MPPED2: variants seen among roughly 807,000 people sequenced by gnomAD.
The protein encoded by MPPED2 is metallophosphoesterase domain containing 2.
In MPPED2, 5 loss-of-function variants were observed where a neutral mutation model predicts 33.0. That is an observed-to-expected ratio of 0.15 (90% CI 0.08 to 0.32). MPPED2 has a LOEUF of 0.32. MPPED2 is among the 10% of genes least tolerant of loss of function. The probability of loss-of-function intolerance (pLI) is 1.00; values close to 1 mark genes in which losing one functional copy is unlikely to be tolerated. For synonymous variants in MPPED2, 136 were observed against 141.9 expected (o/e 0.96, Z 0.29); for missense variants, 275 against 372.1 (o/e 0.74, Z 2.15).
At position 30,414,217 on chromosome 11, in the gene MPPED2, G is replaced by A. The variant is rs377381325; in HGVS notation, c.766+11C>T. 1.6e-5 allele frequency: 25 copies of A among 1,586,536 alleles called. No homozygotes were observed. Among genetic ancestry groups the A allele is most frequent in the African/African-American group, 6.7e-5 (5 of 74,388 alleles). On this transcript the variant is annotated intron_variant, in intron 6 of 6. Transcript: ENST00000358117. The stretch of plus-strand genomic sequence containing the variant: ...CACAAAATGTTTTGAATTCTTTTCC[G>A]CTGTTCTTACCTTCATGGATTCCAC...
chr11:30,421,109 C>T (rs769982838), intron 4 of MPPED2, among the ~76,000 whole-genome samples: 2 of 152,154 alleles, frequency 1.3e-5, no homozygotes, highest in Non-Finnish European at 2.9e-5. Flanking sequence ...GTTGTTACAA[C>T]GAGGAGATCT....
chr11:30,417,458 T>C, intron 5 of MPPED2, 60 bp downstream of exon 5: 1 of 898,782 alleles, frequency 1.1e-6, no homozygotes, highest in South Asian at 1.4e-5. Flanking sequence ...TGAAGCATTA[T>C]TCATTATGCC....
intron 4 of MPPED2, among the ~76,000 whole-genome samples, chr11:30,438,008 A>G (rs890640277): frequency 5.3e-5 from 8 of 152,170 alleles, no homozygotes; most frequent in Admixed American, 5.2e-4. Flanking sequence ...CAGTTTCCTA[A>G]TCTGCATAAT....
At chr11:30,470,295 GC>G (rs1950892665) in intron 4 of MPPED2, among the ~76,000 whole-genome samples, 2 of 152,194 alleles carry the variant, frequency 1.3e-5, no homozygotes, top group South Asian at 4.2e-4. Flanking sequence ...TAAGCAGCAA[GC>G]ACCACTTAAA....
At chr11:30,456,186 T>A (rs117751470) in intron 4 of MPPED2, among the ~76,000 whole-genome samples, 3,330 of 152,312 alleles carry the variant, frequency 0.022, 46 homozygotes, top group Middle Eastern at 0.051. Context: ...GAATGAAGAA[T>A]CTGGGAAAAT....
chr11:30,515,527 C>T (rs1380035888), intron 3 of MPPED2, among the ~76,000 whole-genome samples: 2 of 152,148 alleles, frequency 1.3e-5, no homozygotes, highest in Non-Finnish European at 2.9e-5. Context: ...ATTTGGGGGA[C>T]ATAACAGGAT....
intron 2 of MPPED2, among the ~76,000 whole-genome samples, chr11:30,576,237 C>A (rs926052069): frequency 1.3e-5 from 2 of 152,104 alleles, no homozygotes; most frequent in African/African-American, 4.8e-5. Context: ...GGTTATACAG[C>A]TAGTCAGTGG....
chr11:30,575,389 C>T (rs894528264), intron 2 of MPPED2, among the ~76,000 whole-genome samples: 18 of 152,256 alleles, frequency 1.2e-4, no homozygotes, highest in Non-Finnish European at 4.4e-5. Flanking sequence ...TATATCATTT[C>T]ATTTAATGCT....
chr11:30,561,082 A>T (rs1331942510), intron 2 of MPPED2, among the ~76,000 whole-genome samples: 1 of 152,154 alleles, frequency 6.6e-6, no homozygotes, highest in East Asian at 1.9e-4. Flanking sequence ...AGCCAAAAGG[A>T]GTGTTCTGCA....
intron 2 of MPPED2, among the ~76,000 whole-genome samples, chr11:30,569,816 G>A (rs1049025626): frequency 6.6e-6 from 1 of 152,062 alleles, no homozygotes; most frequent in Non-Finnish European, 1.5e-5. Context: ...GGTATATTGA[G>A]TCGGCACGTG....
chr11:30,503,911 C>G (rs1018798546), intron 3 of MPPED2, among the ~76,000 whole-genome samples: 4 of 152,080 alleles, frequency 2.6e-5, no homozygotes, highest in South Asian at 2.1e-4. Flanking sequence ...CAGGGCACAG[C>G]CTTCAGGCTC....
intron 4 of MPPED2, among the ~76,000 whole-genome samples, chr11:30,432,279 G>C (rs966521947): frequency 2.0e-4 from 30 of 152,112 alleles, no homozygotes; most frequent in African/African-American, 7.0e-4. Flanking sequence ...ATGAATTCAA[G>C]GAATCTTGAA....
Position 30,561,522 on chromosome 11 carries a change from C to T in MPPED2, c.128+18724G>A, listed in dbSNP as rs536600426. ...TTAAAGGTCTAACAGGTAATACTGG[C>T]TCAATGCTGGCAAATAAACCAATGC... is the stretch of plus-strand genomic sequence containing the variant. On this transcript the variant is annotated intron_variant, in intron 2 of 6. Coordinates refer to ENST00000358117, the MANE Select transcript of MPPED2 (RefSeq NM_001584.3). Among the ~76,000 whole-genome samples the T allele has an allele frequency of 3.9e-5, 6 of 152,264 alleles. No homozygotes were observed. The East Asian group carries it at 1.2e-3, about 29-fold the overall frequency.
chr11:30,511,985 T>C (rs1461519073), intron 3 of MPPED2, among the ~76,000 whole-genome samples: 2 of 152,200 alleles, frequency 1.3e-5, no homozygotes, highest in African/African-American at 4.8e-5. Context: ...TCAACAAAGC[T>C]AGCATATTTC....
chr11:30,408,717 A>G (rs927292660), downstream of MPPED2, among the ~76,000 whole-genome samples: 3 of 152,136 alleles, frequency 2.0e-5, no homozygotes, highest in Non-Finnish European at 4.4e-5. Context: ...CATTTTTCCT[A>G]GGGAAAGTTA....
At chr11:30,409,775 AT>A (rs1267037954), downstream of MPPED2, among the ~76,000 whole-genome samples, 1 of 152,122 alleles carries the variant, frequency 6.6e-6, no homozygotes, top group Non-Finnish European at 1.5e-5. Context: ...CCCTTCTGCT[AT>A]CCCCTCTTGG....
At chr11:30,468,713 C>G (rs1418997905) in intron 4 of MPPED2, among the ~76,000 whole-genome samples, 1 of 152,174 alleles carries the variant, frequency 6.6e-6, no homozygotes, top group East Asian at 1.9e-4. Context: ...ACACCAGGAA[C>G]TCTGTTCACC....
chr11:30,578,146 A>G (rs1461002175), intron 2 of MPPED2, among the ~76,000 whole-genome samples: 3 of 152,142 alleles, frequency 2.0e-5, no homozygotes, highest in Admixed American at 2.0e-4. Context: ...GCTTAAGTGG[A>G]GGAACCTAAA....
chr11:30,415,237 G>C (rs10742241), intron 5 of MPPED2, among the ~76,000 whole-genome samples: 19,736 of 152,194 alleles, frequency 0.13, 1,304 homozygotes, highest in Admixed American at 0.19. Flanking sequence ...TAGTGTCTCT[G>C]TAAAGACATA....
Sources: gnomAD v4.1 joint callset for allele counts (sites outside exome capture counted in the v4.1 genomes callset) on GRCh38, gnomAD v4.1.1 for gene constraint, MANE v1.5 for transcripts, NCBI Gene and HGNC (gene_info 2026-07-23, HGNC 2026-07-21) for gene names.